CHMP3: variants seen among roughly 807,000 people sequenced by gnomAD.
The protein encoded by CHMP3 is charged multivesicular body protein 3, also known as 25.1 protein.
A neutral mutation model predicts 27.4 loss-of-function variants in CHMP3; 8 were observed. That is an observed-to-expected ratio of 0.29 (90% CI 0.17 to 0.53). CHMP3 has a LOEUF of 0.53. CHMP3 is among the 20% of genes least tolerant of loss of function. CHMP3 has a pLI of 0.96. For synonymous variants in CHMP3, 86 were observed against 85.5 expected (o/e 1.01, Z -0.03); for missense variants, 208 against 271.5 (o/e 0.77, Z 1.64).
chr2:86,556,871 T>C (rs1677143996), intron 1 of CHMP3, among the ~76,000 whole-genome samples: 1 of 152,212 alleles, frequency 6.6e-6, no homozygotes, highest in Non-Finnish European at 1.5e-5. Flanking sequence ...TCATCCGTCG[T>C]TTGGCCAGGA....
intron 3 of CHMP3, among the ~76,000 whole-genome samples, chr2:86,522,629 G>C (rs568323065): frequency 1.3e-5 from 2 of 152,202 alleles, no homozygotes; most frequent in East Asian, 3.9e-4. Context: ...GAGCATCTCA[G>C]CCTTGTTTAT....
intron 2 of CHMP3, among the ~76,000 whole-genome samples, chr2:86,532,734 C>T (rs1558652388): frequency 6.6e-6 from 1 of 152,150 alleles, no homozygotes; most frequent in Non-Finnish European, 1.5e-5. Context: ...TGATATATTA[C>T]ACTGATCAAA....
At chr2:86,552,802 A>G (rs1676962081) in intron 1 of CHMP3, among the ~76,000 whole-genome samples, 1 of 152,164 alleles carries the variant, frequency 6.6e-6, no homozygotes, top group Non-Finnish European at 1.5e-5. Flanking sequence ...TAGAAAACAC[A>G]GGGGGTAGAG....
intron 3 of CHMP3, chr2:86,511,739 T>A (rs1675115273): frequency 6.6e-6 from 1 of 152,152 alleles, no homozygotes; most frequent in Non-Finnish European, 1.5e-5. Context: ...ATACATATTA[T>A]AAGTTGTATT....
chr2:86,554,190 G>A (rs768951123), intron 1 of CHMP3, among the ~76,000 whole-genome samples: 6 of 152,218 alleles, frequency 3.9e-5, no homozygotes, highest in South Asian at 2.1e-4. Context: ...CTTAATCACC[G>A]ACTTCCTGGT....
chr2:86,517,929 G>A (rs1189559237), intron 3 of CHMP3, among the ~76,000 whole-genome samples: 1 of 152,184 alleles, frequency 6.6e-6, no homozygotes, highest in Non-Finnish European at 1.5e-5. Flanking sequence ...GCTGAGGTGG[G>A]AGGATCACCT....
intron 1 of CHMP3, among the ~76,000 whole-genome samples, chr2:86,544,844 T>C (rs1676502787): frequency 6.6e-6 from 1 of 152,242 alleles, no homozygotes; most frequent in Admixed American, 6.5e-5. Flanking sequence ...TTCTTGATGG[T>C]TGCTGTCTCT....
chr2:86,530,489 T>A (rs1675878894), intron 2 of CHMP3, among the ~76,000 whole-genome samples: 1 of 152,228 alleles, frequency 6.6e-6, no homozygotes, highest in African/African-American at 2.4e-5. Flanking sequence ...AGCATAATAT[T>A]TTTAAGGTTC....
At chr2:86,544,038 T>C (rs527905924) in intron 1 of CHMP3, among the ~76,000 whole-genome samples, 4 of 152,378 alleles carry the variant, frequency 2.6e-5, no homozygotes, top group South Asian at 2.1e-4. Context: ...ATTCTGAATA[T>C]GAAAGGAATC....
At chr2:86,542,198 G>A (rs1391099110) in intron 2 of CHMP3, 54 bp downstream of exon 2, 2 of 1,577,942 alleles carry the variant, frequency 1.3e-6, no homozygotes, top group African/African-American at 2.7e-5. Flanking sequence ...TTTATGAACT[G>A]AAGCAAAATA....
intron 1 of CHMP3, among the ~76,000 whole-genome samples, chr2:86,555,720 G>A (rs1447764301): frequency 6.6e-6 from 1 of 152,056 alleles, no homozygotes; most frequent in Non-Finnish European, 1.5e-5. Flanking sequence ...CATCTTCAGT[G>A]CTGTCTCTGC....
At chr2:86,539,987 T>C (rs749712485) in intron 2 of CHMP3, among the ~76,000 whole-genome samples, 2 of 152,062 alleles carry the variant, frequency 1.3e-5, no homozygotes, top group Non-Finnish European at 1.5e-5. Flanking sequence ...TAGGATAACA[T>C]AGGGTTGTTT....
chr2:86,508,500 G>A (rs559056599), intron 4 of CHMP3, among the ~76,000 whole-genome samples: 1 of 152,316 alleles, frequency 6.6e-6, no homozygotes, highest in South Asian at 2.1e-4. Context: ...GAGTGGCTGT[G>A]GTGGAGGGCA....
chr2:86,547,918 C>G (rs1030337219), intron 1 of CHMP3, among the ~76,000 whole-genome samples: 7 of 152,104 alleles, frequency 4.6e-5, no homozygotes, highest in Admixed American at 3.3e-4. Flanking sequence ...AAATATTATC[C>G]TTTATTCAAA....
rs547209803 is a variant in CHMP3 at position 86,538,980 on chromosome 2, C to G, written c.106+3272G>C. 3.1e-3 allele frequency among the ~76,000 whole-genome samples: 472 copies of G among 152,286 alleles called. 2 individuals are homozygous for G. The highest frequency in any genetic ancestry group is 5.7e-3 in the Admixed American group (87 of 15,306). ...TAAGAAACAGAATATTACGAACATG[C>G]CACAAGGCCCCCTTACGTTACCTTT... On this transcript the variant is annotated intron_variant, in intron 2 of 5. Transcript: ENST00000263856.
intron 4 of CHMP3, among the ~76,000 whole-genome samples, chr2:86,508,788 C>T (rs1446765289): frequency 6.6e-6 from 1 of 152,192 alleles, no homozygotes; most frequent in African/African-American, 2.4e-5. Context: ...TCTTCCCAAC[C>T]AAAATGAACA....
intron 1 of CHMP3, among the ~76,000 whole-genome samples, chr2:86,549,876 C>T (rs1486075095): frequency 4.0e-5 from 6 of 150,864 alleles, no homozygotes; most frequent in South Asian, 2.1e-4. Flanking sequence ...CGGGCAGAGG[C>T]GCTCCTCGCC....
chr2:86,548,449 A>G (rs1676703641), intron 1 of CHMP3, among the ~76,000 whole-genome samples: 1 of 152,138 alleles, frequency 6.6e-6, no homozygotes, highest in Non-Finnish European at 1.5e-5. Context: ...CACCACCCTT[A>G]ATCCATTTAA....
rs142332598 is a variant in CHMP3 at position 86,516,397 on chromosome 2, A to G, written c.287-5918T>C. ...TCATTTCACCAAAGAGGAGATACGGATGGCAAATAAGCACATGAAAAGATT... is the reference window on the plus strand; with the variant it reads ...TCATTTCACCAAAGAGGAGATACGGGTGGCAAATAAGCACATGAAAAGATT... On this transcript the variant is annotated intron_variant, in intron 3 of 5. Transcript: ENST00000263856. 2.5e-4 allele frequency among the ~76,000 whole-genome samples: 38 copies of G among 152,330 alleles called. 2 individuals carry two copies. In the East Asian group the frequency reaches 7.3e-3, roughly 29 times the overall value.
Sources: allele counts gnomAD v4.1 joint callset (sites outside exome capture counted in the v4.1 genomes callset), GRCh38; gene constraint gnomAD v4.1.1; transcripts MANE v1.5; gene names NCBI Gene and HGNC (gene_info 2026-07-23, HGNC 2026-07-21).